ARHGEF4: variants seen among roughly 807,000 people sequenced by gnomAD.
The protein encoded by ARHGEF4 is Rho guanine nucleotide exchange factor 4.
A neutral mutation model predicts 162.0 loss-of-function variants in ARHGEF4; 119 were observed. The observed-to-expected ratio is 0.73, with a 90% CI of 0.63 to 0.86. The LOEUF (loss-of-function observed/expected upper bound fraction) is 0.86. Ranked by LOEUF, ARHGEF4 falls within the 40% of genes least tolerant of loss-of-function variation. The pLI is 0.00. For synonymous variants in ARHGEF4, 1,014 were observed against 979.9 expected (o/e 1.03, Z -0.65); for missense variants, 2,488 against 2,456.0 (o/e 1.01, Z -0.28).
intron 2 of ARHGEF4, among the ~76,000 whole-genome samples, chr2:130,926,008 T>TTTTTTCTTTCTTTC (rs1307168731): frequency 1.6e-4 from 3 of 19,002 alleles, no homozygotes; most frequent in Non-Finnish European, 6.7e-4. Flanking sequence ...ATTTGTTTGG[T>TTTTTTCTTTCTTTC]TTTCTCTCTT....
At chr2:131,037,745 G>A (rs552079893) in intron 5 of ARHGEF4, among the ~76,000 whole-genome samples, 31 of 152,348 alleles carry the variant, frequency 2.0e-4, no homozygotes, top group Middle Eastern at 6.8e-3. Flanking sequence ...GCAGGGGAGC[G>A]TCCAGTGTCT....
At chr2:130,976,945 A>G (rs550298357) in intron 4 of ARHGEF4, among the ~76,000 whole-genome samples, 1 of 149,728 alleles carries the variant, frequency 6.7e-6, no homozygotes, top group African/African-American at 2.5e-5. Flanking sequence ...GGTGTGTGTG[A>G]TGTATGTGTG....
At chr2:130,961,338 A>T (rs1684611195) in intron 4 of ARHGEF4, among the ~76,000 whole-genome samples, 1 of 152,192 alleles carries the variant, frequency 6.6e-6, no homozygotes. Flanking sequence ...AGCCTCACTG[A>T]GGGGGGACAT....
intron 2 of ARHGEF4, among the ~76,000 whole-genome samples, chr2:130,922,550 G>C (rs1681939922): frequency 6.6e-6 from 1 of 152,242 alleles, no homozygotes; most frequent in African/African-American, 2.4e-5. Context: ...AATTCTCATT[G>C]GTTTATGGAA....
At chr2:130,852,778 A>G (rs938291698) in intron 1 of ARHGEF4, among the ~76,000 whole-genome samples, 2 of 152,168 alleles carry the variant, frequency 1.3e-5, no homozygotes, top group African/African-American at 4.8e-5. Flanking sequence ...AGACAGTGAG[A>G]TGCAGCTTGT....
intron 4 of ARHGEF4, among the ~76,000 whole-genome samples, chr2:130,988,893 T>TAGAG (rs1304546250): frequency 1.9e-3 from 215 of 113,190 alleles, no homozygotes; most frequent in South Asian, 4.8e-3. Context: ...TATATATATA[T>TAGAG]ATATATATAG....
chr2:131,040,939 C>G (rs1008132085), intron 8 of ARHGEF4, among the ~76,000 whole-genome samples: 2 of 152,064 alleles, frequency 1.3e-5, no homozygotes, highest in Non-Finnish European at 2.9e-5. Context: ...CCACCCAACC[C>G]CCTACCACCG....
chr2:131,011,925 T>A (rs1455404237), intron 4 of ARHGEF4: 1 of 701,970 alleles, frequency 1.4e-6, no homozygotes, highest in Non-Finnish European at 2.6e-6. Flanking sequence ...GGTGGACAGA[T>A]GAAAAATGGT....
chr2:130,887,748 T>TC (rs1679606583), intron 1 of ARHGEF4, among the ~76,000 whole-genome samples: 1 of 152,160 alleles, frequency 6.6e-6, no homozygotes, highest in African/African-American at 2.4e-5. Context: ...AAGTGACAGT[T>TC]CAGGAACCCA....
chr2:130,995,573 AGT>A (rs1270824119), intron 4 of ARHGEF4, among the ~76,000 whole-genome samples: 2 of 152,240 alleles, frequency 1.3e-5, no homozygotes, highest in Middle Eastern at 3.2e-3. Context: ...TTATGAATAA[AGT>A]ATCTGCAGAA....
intron 1 of ARHGEF4, among the ~76,000 whole-genome samples, chr2:130,880,017 G>A (rs6733965): frequency 1.9e-3 from 292 of 152,242 alleles, no homozygotes; most frequent in African/African-American, 6.4e-3. Flanking sequence ...TCCTTGGGTC[G>A]AGTCCATGTC....
At chr2:130,903,835 A>G (rs1680655635) in intron 1 of ARHGEF4, among the ~76,000 whole-genome samples, 1 of 152,198 alleles carries the variant, frequency 6.6e-6, no homozygotes, top group African/African-American at 2.4e-5. Flanking sequence ...AGCTCCATCC[A>G]TTTACACAAA....
intron 1 of ARHGEF4, among the ~76,000 whole-genome samples, chr2:130,878,694 C>T (rs1574145651): frequency 6.6e-6 from 1 of 152,234 alleles, no homozygotes; most frequent in African/African-American, 2.4e-5. Flanking sequence ...GATTGCCTCT[C>T]TCAACGTTGG....
In ARHGEF4 at chr2:130,873,808, T is replaced by C. The variant is rs145158110; in HGVS notation, c.39+36816T>C. Reference sequence around the variant, plus strand: ...GGTGCAGGCCATACTGTCTTGGATTTCCAGGTACCCCTAAGTTCCCTGGTC... The same window carrying C: ...GGTGCAGGCCATACTGTCTTGGATTCCCAGGTACCCCTAAGTTCCCTGGTC... On this transcript the variant is annotated intron_variant, in intron 1 of 13. Transcript: ENST00000409359. 3.4e-3 allele frequency among the ~76,000 whole-genome samples: 525 copies of C among 152,242 alleles called. 3 individuals are homozygous for C. The highest frequency in any genetic ancestry group is 0.012 in the African/African-American group (486 of 41,524).
At chr2:130,988,905 G>T (rs1054562312) in intron 4 of ARHGEF4, among the ~76,000 whole-genome samples, 99 of 127,812 alleles carry the variant, frequency 7.7e-4, no homozygotes, top group South Asian at 1.8e-3. Context: ...TATATATAGA[G>T]AGAGAGAGAG....
At position 131,045,458 on chromosome 2, in the gene ARHGEF4, G is replaced by T. The variant is rs1442235210; in HGVS notation, c.5479+12G>T. The T allele has an allele frequency of 1.2e-6, 2 of 1,613,512 alleles. No homozygotes were observed. Among genetic ancestry groups the T allele is most frequent in the Admixed American group, 1.7e-5 (1 of 60,024 alleles). On this transcript the variant is annotated intron_variant, in intron 13 of 13. Coordinates refer to ENST00000409359, the MANE Select transcript of ARHGEF4 (RefSeq NM_001367493.1). ...AGGGAAGCCCAAAGGTAGGCGGACAGCAGCCCCACCTCCTCGGCTGCCCGG... is the reference window on the plus strand; with the variant it reads ...AGGGAAGCCCAAAGGTAGGCGGACATCAGCCCCACCTCCTCGGCTGCCCGG...
At chr2:130,942,585 C>CT (rs1574272643) in intron 3 of ARHGEF4, among the ~76,000 whole-genome samples, 1 of 152,048 alleles carries the variant, frequency 6.6e-6, no homozygotes, top group East Asian at 1.9e-4. Context: ...GTGTAACATA[C>CT]AAGGGTTAGA....
chr2:130,907,977 A>G (rs1680942756), intron 1 of ARHGEF4, among the ~76,000 whole-genome samples: 1 of 152,016 alleles, frequency 6.6e-6, no homozygotes, highest in South Asian at 2.1e-4. Flanking sequence ...AAAAATTTAC[A>G]TACTGGCTTT....
Position 130,917,302 on chromosome 2 carries a change from C to G in ARHGEF4, c.3356C>G (p.Ser1119Cys). ...AGGGGTAGCGCCATCTCCATGGTTTCTCTTGGAAGCTACAGCTACGTGGAC... is the reference window on the plus strand; with the variant it reads ...AGGGGTAGCGCCATCTCCATGGTTTGTCTTGGAAGCTACAGCTACGTGGAC... Reference protein sequence around the residue: ...PGRGSAISMVSLGSYSYVDSS... With the variant: ...PGRGSAISMVCLGSYSYVDSS... The change falls in exon 2 of 14, where the codon TCT (serine) becomes TGT (cysteine). Residue 1119 changes from serine to cysteine, a missense_variant. Around this residue, in one of 6 missense-constraint regions of ARHGEF4, gnomAD observed 1,642 missense variants for 1,481.5 expected, o/e 1.11. Transcript: ENST00000409359. 1.3e-6 allele frequency: 2 copies of G among 1,550,570 alleles called. No homozygotes were observed. The highest frequency in any genetic ancestry group is 1.4e-5 in the African/African-American group (1 of 73,158).
Sources: gnomAD v4.1 joint callset for allele counts (sites outside exome capture counted in the v4.1 genomes callset) on GRCh38, gnomAD v4.1.1 for gene constraint, gnomAD v4.1.1 regional missense constraint, MANE v1.5 for transcripts, NCBI Gene and HGNC (gene_info 2026-07-23, HGNC 2026-07-21) for gene names.